Variants in TNFSF4 observed in about 807,000 individuals in gnomAD.
TNFSF4 encodes TNF superfamily member 4.
A neutral mutation model predicts 7.3 loss-of-function variants in TNFSF4; 4 were observed. That is an observed-to-expected ratio of 0.55 (90% CI 0.27 to 1.25). TNFSF4 has a LOEUF of 1.25. Ranked by LOEUF, TNFSF4 falls within the 50% of genes most tolerant of loss-of-function variation. The pLI is 0.12. For missense variants in TNFSF4, 181 were observed against 208.8 expected (o/e 0.87, Z 0.82); for synonymous variants, 76 against 83.7 (o/e 0.91, Z 0.50).
chr1:173,254,622 T>G, the TNFSF4 span, among the ~76,000 whole-genome samples: 1 of 152,194 alleles, frequency 6.6e-6, no homozygotes, highest in South Asian at 2.1e-4. Flanking sequence ...TTCTATAATT[T>G]TTTAATACCT....
the TNFSF4 span, among the ~76,000 whole-genome samples, chr1:173,394,550 GTA>G: frequency 1.3e-5 from 2 of 152,196 alleles, no homozygotes; most frequent in Non-Finnish European, 2.9e-5. Flanking sequence ...TGTGGACTAA[GTA>G]AAGCAGATTG....
the TNFSF4 span, among the ~76,000 whole-genome samples, chr1:173,435,228 C>T: frequency 6.6e-6 from 1 of 152,318 alleles, no homozygotes; most frequent in Non-Finnish European, 1.5e-5. Flanking sequence ...TAGAGATACT[C>T]ATCAATAGAT....
At chr1:173,448,939 G>A in the TNFSF4 span, among the ~76,000 whole-genome samples, 1 of 152,148 alleles carries the variant, frequency 6.6e-6, no homozygotes, top group Non-Finnish European at 1.5e-5. Flanking sequence ...CCAAATATTT[G>A]GAAACCAACC....
At chr1:173,398,620 G>T in the TNFSF4 span, among the ~76,000 whole-genome samples, 1 of 151,700 alleles carries the variant, frequency 6.6e-6, no homozygotes, top group Non-Finnish European at 1.5e-5. Flanking sequence ...TAGAGACGAG[G>T]TTTCACGGTG....
At chr1:173,238,798 CTGG>C in the TNFSF4 span, among the ~76,000 whole-genome samples, 1 of 152,054 alleles carries the variant, frequency 6.6e-6, no homozygotes, top group Non-Finnish European at 1.5e-5. Flanking sequence ...TTATACACTG[CTGG>C]TGGGAGTGTA....
chr1:173,299,219 C>T, the TNFSF4 span, among the ~76,000 whole-genome samples: 1 of 151,926 alleles, frequency 6.6e-6, no homozygotes, highest in African/African-American at 2.4e-5. Flanking sequence ...CTTTTCCCCA[C>T]TGCTTTTAGG....
the TNFSF4 span, among the ~76,000 whole-genome samples, chr1:173,173,947 T>A: frequency 6.6e-6 from 1 of 152,252 alleles, no homozygotes. Context: ...AGCAAATTCC[T>A]GCAGCCAGCT....
chr1:173,351,440 A>T, the TNFSF4 span, among the ~76,000 whole-genome samples: 35 of 152,294 alleles, frequency 2.3e-4, no homozygotes, highest in African/African-American at 8.2e-4. Context: ...CTCAAGGTAA[A>T]TCTTCCTGTG....
the TNFSF4 span, among the ~76,000 whole-genome samples, chr1:173,437,574 A>G: frequency 6.6e-6 from 1 of 152,098 alleles, no homozygotes; most frequent in Non-Finnish European, 1.5e-5. Flanking sequence ...TCCATTTGGA[A>G]TTTGTTTTCT....
chr1:173,284,168 C>T, the TNFSF4 span, among the ~76,000 whole-genome samples: 3 of 152,152 alleles, frequency 2.0e-5, no homozygotes, highest in Non-Finnish European at 4.4e-5. Context: ...AAGTTTGAAG[C>T]TAGCAGAAGT....
the TNFSF4 span, among the ~76,000 whole-genome samples, chr1:173,403,134 G>A: frequency 6.6e-6 from 1 of 152,178 alleles, no homozygotes; most frequent in East Asian, 1.9e-4. Flanking sequence ...TTACAGGCAT[G>A]AGCCACCACA....
Position 173,186,591 on chromosome 1 carries a change from G to A in TNFSF4, c.477C>T (p.Ser159=). ...VYLNVTTDNT[S]LDDFHVNGGE... Reference sequence around the variant, plus strand: ...CGCCATTCACATGGAAGTCATCCAGGGAGGTATTGTCAGTGGTCACATTCA... The same window carrying A: ...CGCCATTCACATGGAAGTCATCCAGAGAGGTATTGTCAGTGGTCACATTCA... Residue 159 remains serine (S), a synonymous_variant, in exon 3 of 3, where the codon TCC becomes TCT. Transcript: ENST00000281834. The A allele has an allele frequency of 2.5e-6, 4 of 1,614,162 alleles. No individual in the cohort carries two copies. The highest frequency in any genetic ancestry group is 3.4e-6 in the Non-Finnish European group (4 of 1,179,996).
chr1:173,260,160 A>G, the TNFSF4 span, among the ~76,000 whole-genome samples: 1 of 152,234 alleles, frequency 6.6e-6, no homozygotes, highest in Non-Finnish European at 1.5e-5. Context: ...AAACTCTACA[A>G]GCCAGAAGTG....
the TNFSF4 span, among the ~76,000 whole-genome samples, chr1:173,245,771 C>T: frequency 6.6e-6 from 1 of 152,166 alleles, no homozygotes; most frequent in Non-Finnish European, 1.5e-5. Context: ...CCTCTGCTGA[C>T]CAATATTTTA....
At chr1:173,290,602 G>A in the TNFSF4 span, among the ~76,000 whole-genome samples, 1 of 151,966 alleles carries the variant, frequency 6.6e-6, no homozygotes, top group Non-Finnish European at 1.5e-5. Flanking sequence ...CGAATTCTTA[G>A]AAGAAACTTA....
chr1:173,287,176 G>A, the TNFSF4 span, among the ~76,000 whole-genome samples: 4 of 151,822 alleles, frequency 2.6e-5, no homozygotes, highest in African/African-American at 7.3e-5. Flanking sequence ...CAAAAAAAAA[G>A]AATGTTTAAT....
chr1:173,440,976 G>C, the TNFSF4 span, among the ~76,000 whole-genome samples: 65 of 152,192 alleles, frequency 4.3e-4, no homozygotes, highest in Middle Eastern at 3.4e-3. Flanking sequence ...AATCCCAGTA[G>C]AAAATATTCT....
intron 1 of TNFSF4, among the ~76,000 whole-genome samples, chr1:173,189,356 G>T (rs1172833481): frequency 1.3e-5 from 2 of 152,078 alleles, no homozygotes; most frequent in African/African-American, 4.8e-5. Context: ...TGCATGTCTG[G>T]TCTTTCACTT....
upstream of TNFSF4, among the ~76,000 whole-genome samples, chr1:173,208,007 A>G (rs1017031112): frequency 6.6e-6 from 1 of 152,174 alleles, no homozygotes; most frequent in Non-Finnish European, 1.5e-5. Flanking sequence ...CTTTCCTTCC[A>G]CTTCACATTT....
Sources: gnomAD v4.1 joint callset for allele counts (sites outside exome capture counted in the v4.1 genomes callset) on GRCh38, gnomAD v4.1.1 for gene constraint, MANE v1.5 for transcripts, NCBI Gene and HGNC (gene_info 2026-07-23, HGNC 2026-07-21) for gene names.